Variants in DCTN2 observed in about 807,000 individuals in gnomAD.
DCTN2 encodes 50 kDa dynein-associated polypeptide.
A neutral mutation model predicts 55.4 loss-of-function variants in DCTN2; 18 were observed. That is an observed-to-expected ratio of 0.32 (90% CI 0.22 to 0.48). The LOEUF (loss-of-function observed/expected upper bound fraction) is 0.48, where lower values mean the gene tolerates loss of function less well. Among genes scored for constraint, DCTN2 ranks in the 20% least tolerant of loss-of-function variants. The pLI is 0.99. For missense variants in DCTN2, 390 were observed against 491.0 expected, an observed-to-expected ratio of 0.79 and a Z score of 1.94; for synonymous variants, 168 against 185.2, an observed-to-expected ratio of 0.91 and a Z score of 0.76.
chr12:57,542,793 TGG>T (rs1880802992), intron 2 of DCTN2: 1 of 455,722 alleles, frequency 2.2e-6, no homozygotes, highest in Non-Finnish European at 4.4e-6. Context: ...CACTCCAGCC[TGG>T]GGGAAAGAGT....
chr12:57,539,704 T>C (rs973526746), intron 2 of DCTN2, among the ~76,000 whole-genome samples: 1 of 152,148 alleles, frequency 6.6e-6, no homozygotes, highest in Admixed American at 6.5e-5. Context: ...ACCTCTCTGT[T>C]CCCTAGACGA....
chr12:57,545,331 C>A (rs1007327195), intron 2 of DCTN2, among the ~76,000 whole-genome samples: 6 of 152,112 alleles, frequency 3.9e-5, no homozygotes, highest in Non-Finnish European at 7.4e-5. Flanking sequence ...TATATGTATC[C>A]TAATTCCCCA....
At chr12:57,540,112 A>G in intron 2 of DCTN2, 1 of 985,354 alleles carries the variant, frequency 1.0e-6, no homozygotes, top group Non-Finnish European at 1.2e-6. Context: ...CCTGTGGTCG[A>G]GGCTGGGATG....
chr12:57,536,824 C>G (rs984204850), intron 2 of DCTN2, among the ~76,000 whole-genome samples: 2 of 152,024 alleles, frequency 1.3e-5, no homozygotes, highest in African/African-American at 4.8e-5. Context: ...AGAAGCCTGA[C>G]AGCTCCCAAC....
chr12:57,547,085 G>C lies in DCTN2; in HGVS notation c.-22C>G, dbSNP rs925731699. 7.9e-7 allele frequency: 1 copy of C among 1,265,004 alleles called. No homozygotes were observed. The allele number at this position is 1,265,004 out of a possible 1,614,324, so 78.4% of individuals were successfully genotyped here. ...CCATGGCGGCGGCGAGACGGGCTGG[G>C]GGACCCGGGCCTCGGTGGAGCCGGG... On this transcript the variant is annotated 5_prime_UTR_variant, in exon 1 of 14. Coordinates refer to ENST00000548249, the MANE Select transcript of DCTN2 (RefSeq NM_001261413.2).
At chr12:57,543,348 CAAAAAAAAAAGAAA>C (rs72070525) in intron 2 of DCTN2, among the ~76,000 whole-genome samples, 1 of 104,124 alleles carries the variant, frequency 9.6e-6, no homozygotes, top group African/African-American at 3.4e-5. Flanking sequence ...GACTCCGTCT[CAAAAAAAAAAGAAA>C]AAAAAAGAAG....
In DCTN2 at chr12:57,534,330, A is replaced by G; in HGVS notation, c.486T>C (p.Ala162=). ...CATCGGGGTCGGTAAGGTTGATTGC[A>G]GCATCTGGTCCCAGCAGCTTCTCCA... ...SHLEKLLGPD[A]AINLTDPDGA... The change falls in exon 6 of 14, where the codon GCT becomes GCC. Residue 162 remains alanine, a synonymous_variant. Transcript: ENST00000548249. 1 of 1,607,634 alleles carries G rather than the reference A, an allele frequency of 6.2e-7. No homozygotes were observed. The highest frequency in any genetic ancestry group is 8.5e-7 in the Non-Finnish European group (1 of 1,175,654).
At chr12:57,546,561 T>G (rs1881178080) in intron 1 of DCTN2, among the ~76,000 whole-genome samples, 1 of 151,896 alleles carries the variant, frequency 6.6e-6, no homozygotes, top group South Asian at 2.1e-4. Context: ...GAGTGGGGGC[T>G]GGGGGAGGGC....
intron 2 of DCTN2, among the ~76,000 whole-genome samples, chr12:57,543,509 T>C (rs781005453): frequency 6.6e-6 from 1 of 152,086 alleles, no homozygotes; most frequent in African/African-American, 2.4e-5. Context: ...ATTTCTAGAT[T>C]ATCTAAGCAT....
In DCTN2 at chr12:57,530,423, T is replaced by C; in HGVS notation, c.*266A>G. The stretch of plus-strand genomic sequence containing the variant: ...CTTCCCCACACCAGGCAAAGCAGTA[T>C]TGGACATGAGTTGGCATGTGGCTGG... On this transcript the variant is annotated 3_prime_UTR_variant, in exon 14 of 14. Coordinates refer to ENST00000548249, the MANE Select transcript of DCTN2 (RefSeq NM_001261413.2). 2.5e-6 allele frequency: 1 copy of C among 403,812 alleles called. No homozygotes were observed. Among genetic ancestry groups the C allele is most frequent in the South Asian group, 4.6e-5 (1 of 21,560 alleles). 25.0% of individuals were successfully genotyped at this position (403,812 alleles called of 1,614,324 possible). A position where few individuals can be genotyped will look rare whatever the true frequency, so the allele number is the denominator to read the frequency against.
At position 57,546,058 on chromosome 12, in the gene DCTN2, T is replaced by G; in HGVS notation, c.75A>C (p.Leu25=). ...NEPDVYETSD[L]PEDDQAEFDA... ...CGAACTCCGCTTGATCATCCTCAGG[T>G]AGGTCGCTAGTTTCATAAACATCTG... is the stretch of plus-strand genomic sequence containing the variant. Residue 25 remains leucine (L), a synonymous_variant, in exon 2 of 14, where the codon CTA becomes CTC. Coordinates refer to ENST00000548249, the MANE Select transcript of DCTN2 (RefSeq NM_001261413.2). 6.2e-7 allele frequency: 1 copy of G among 1,613,718 alleles called. No homozygotes were observed. Among genetic ancestry groups the G allele is most frequent in the Non-Finnish European group, 8.5e-7 (1 of 1,179,842 alleles).
intron 2 of DCTN2, 100 bp from the exon 3 acceptor site, chr12:57,535,945 C>T: frequency 1.1e-6 from 1 of 924,538 alleles, no homozygotes; most frequent in East Asian, 2.6e-5. Flanking sequence ...CTGGGCCCTA[C>T]TTGTCCAAGG....
chr12:57,545,950 TCCC>T, intron 2 of DCTN2, 75 bp downstream of exon 2: 1 of 1,466,826 alleles, frequency 6.8e-7, no homozygotes, highest in East Asian at 2.3e-5. Context: ...TTGCTGTAGC[TCCC>T]CCGAGAAAGG....
intron 2 of DCTN2, among the ~76,000 whole-genome samples, chr12:57,541,759 G>GGT (rs920567231): frequency 3.3e-5 from 5 of 152,018 alleles, no homozygotes; most frequent in Admixed American, 6.6e-5. Flanking sequence ...TTAGGGTCGG[G>GGT]GTGTGTGTGT....
intron 1 of DCTN2, among the ~76,000 whole-genome samples, chr12:57,546,582 T>C (rs1881182478): frequency 6.6e-6 from 1 of 151,686 alleles, no homozygotes; most frequent in Admixed American, 6.6e-5. Context: ...ATAGGTTCCC[T>C]CAAGGATAGA....
intron 13 of DCTN2, among the ~76,000 whole-genome samples, chr12:57,531,456 G>A (rs192493482): frequency 1.3e-5 from 2 of 152,320 alleles, no homozygotes; most frequent in South Asian, 2.1e-4. Flanking sequence ...GGTGGAGGCT[G>A]CAGTGAGCTG....
At chr12:57,537,330 T>C (rs1880318417) in intron 2 of DCTN2, among the ~76,000 whole-genome samples, 1 of 133,754 alleles carries the variant, frequency 7.5e-6, no homozygotes, top group African/African-American at 2.9e-5. Flanking sequence ...TGAGACCCTG[T>C]CTCAAAAAAA....
intron 2 of DCTN2, chr12:57,538,434 A>G (rs1401355240): frequency 1.4e-6 from 1 of 724,288 alleles, no homozygotes; most frequent in Non-Finnish European, 2.5e-6. Flanking sequence ...TGAATGAAAG[A>G]TTTAGTAGAG....
intron 2 of DCTN2, among the ~76,000 whole-genome samples, chr12:57,539,087 G>C (rs911196743): frequency 6.6e-6 from 1 of 152,226 alleles, no homozygotes; most frequent in African/African-American, 2.4e-5. Flanking sequence ...CAGTCACAAT[G>C]AGAGTGATCA....
Sources: allele counts gnomAD v4.1 joint callset (sites outside exome capture counted in the v4.1 genomes callset), GRCh38; gene constraint gnomAD v4.1.1; transcripts MANE v1.5; gene names NCBI Gene and HGNC (gene_info 2026-07-23, HGNC 2026-07-21).